The following IFT140 variants were observed in gnomAD, a reference collection of about 807,000 sequenced individuals.
The protein encoded by IFT140 is intraflagellar transport protein 140 homolog.
In IFT140, 133 loss-of-function variants were observed where a neutral mutation model predicts 164.6. That is an observed-to-expected ratio of 0.81 (90% confidence interval 0.70 to 0.93). The LOEUF (loss-of-function observed/expected upper bound fraction) is 0.93, where lower values mean the gene tolerates loss of function less well. IFT140 is among the 40% of genes least tolerant of loss of function. IFT140 has a pLI of 0.00. For synonymous variants in IFT140, 860 were observed against 817.3 expected (o/e 1.05, Z -0.89); for missense variants, 2,045 against 1,972.3 (o/e 1.04, Z -0.70).
chr16:1,560,805 G>A (rs78604558), intron 18 of IFT140, among the ~76,000 whole-genome samples: 51 of 152,330 alleles, frequency 3.3e-4, no homozygotes, highest in African/African-American at 1.1e-3. Context: ...CACTGCATGT[G>A]GAAATTCAAA....
At chr16:1,546,540 G>C (rs2032187389) in intron 19 of IFT140, among the ~76,000 whole-genome samples, 1 of 152,200 alleles carries the variant, frequency 6.6e-6, no homozygotes, top group Admixed American at 6.5e-5. Flanking sequence ...GCGTCTCTCT[G>C]AAGCCCTGCT....
At chr16:1,528,482 C>T (rs1486654929) in intron 19 of IFT140, among the ~76,000 whole-genome samples, 1 of 151,616 alleles carries the variant, frequency 6.6e-6, no homozygotes, top group African/African-American at 2.4e-5. Context: ...CACACACAAG[C>T]ACATGCACTC....
intron 19 of IFT140, chr16:1,528,571 A>G (rs1033002869): frequency 6.4e-6 from 1 of 155,064 alleles, no homozygotes; most frequent in Admixed American, 6.5e-5. Flanking sequence ...ACACACATGC[A>G]CGCACGTACT....
chr16:1,511,240 G>T, intron 30 of IFT140, 90 bp from the exon 31 acceptor site: 1 of 1,299,472 alleles, frequency 7.7e-7, no homozygotes, highest in Non-Finnish European at 1.1e-6. Flanking sequence ...GCTGCCCCTG[G>T]AGGCGGGTGG....
intron 30 of IFT140, among the ~76,000 whole-genome samples, chr16:1,513,823 A>T (rs370018354): frequency 1.6e-4 from 24 of 148,836 alleles, no homozygotes; most frequent in Non-Finnish European, 2.5e-4. Context: ...ACAGGCGCCC[A>T]CCACCACACC....
intron 19 of IFT140, among the ~76,000 whole-genome samples, chr16:1,539,403 C>T (rs935043403): frequency 6.6e-6 from 1 of 152,280 alleles, no homozygotes; most frequent in African/African-American, 2.4e-5. Flanking sequence ...TCAAGCACAT[C>T]TCTGCTGTCC....
chr16:1,520,767 G>A lies in IFT140; in HGVS notation c.3495C>T (p.Ser1165=). 6.2e-7 allele frequency: 1 copy of A among 1,607,922 alleles called. No homozygotes were observed. The highest frequency in any genetic ancestry group is 8.5e-7 in the Non-Finnish European group (1 of 1,179,994). ...TCTTTTCCGCCATCTCCTCGGTGAT[G>A]CTCATGTTCTGCCCCAGGCACAGCT... The part of the protein sequence containing the change: ...ALQLCLGQNM[S]ITEEMAEKMT... Residue 1165 remains serine, a synonymous_variant, in exon 27 of 31, where the codon AGC becomes AGT. Coordinates refer to ENST00000426508, the MANE Select transcript of IFT140 (RefSeq NM_014714.4).
intron 30 of IFT140, among the ~76,000 whole-genome samples, chr16:1,515,624 T>C (rs963049648): frequency 5.9e-5 from 9 of 152,270 alleles, no homozygotes; most frequent in Middle Eastern, 3.4e-3. Flanking sequence ...CTTGAACTCC[T>C]GGCCTCAAGA....
intron 6 of IFT140, 129 bp downstream of exon 6, chr16:1,592,047 A>C: frequency 2.9e-6 from 3 of 1,025,224 alleles, no homozygotes; most frequent in Non-Finnish European, 4.3e-6. Flanking sequence ...GGCACACGTC[A>C]TCTTTCTGTG....
rs1462733925 is a variant in IFT140, at chr16:1,553,753, G to A, written c.2399+4182C>T. The A allele has an allele frequency of 8.6e-7, 1 of 1,156,786 alleles. No individual in the cohort carries two copies. Among genetic ancestry groups the A allele is most frequent in the Non-Finnish European group, 1.1e-6 (1 of 924,144 alleles). 71.7% of individuals were successfully genotyped at this position (1,156,786 alleles called of 1,614,324 possible). A position where few individuals can be genotyped will look rare whatever the true frequency, so the allele number is the denominator to read the frequency against. On this transcript the variant is annotated intron_variant, in intron 19 of 30. Coordinates refer to ENST00000426508, the MANE Select transcript of IFT140 (RefSeq NM_014714.4). The surrounding 1 kb of genome is among the most constrained non-coding windows in gnomAD (Gnocchi z 4.4). ...CATCCCCATGGCTGTAGGGGATGAG[G>A]AGGGGCAGGGCCATGTGGACAGCCT... is the stretch of plus-strand genomic sequence containing the variant.
chr16:1,571,579 T>C (rs771654224), intron 13 of IFT140, 45 bp from the exon 14 acceptor site: 4 of 1,580,736 alleles, frequency 2.5e-6, no homozygotes, highest in South Asian at 1.1e-5. Flanking sequence ...TGTTAGTTAC[T>C]GAACATTGTT....
Position 1,518,252 on chromosome 16 carries a change from C to T in IFT140, c.4146G>A (p.Leu1382=), listed in dbSNP as rs904518816. 4 of 1,614,082 alleles carry T rather than the reference C, an allele frequency of 2.5e-6. No homozygotes were observed. The highest frequency in any genetic ancestry group is 3.4e-6 in the Non-Finnish European group (4 of 1,180,008). Residue 1382 remains leucine, a synonymous_variant, in exon 30 of 31, where the codon CTG becomes CTA. Coordinates refer to ENST00000426508, the MANE Select transcript of IFT140 (RefSeq NM_014714.4). ...TIRIGDVYGF[L]VEHYVRKEEY... Reference sequence around the variant, plus strand: ...CCTCCTTCCGCACGTAGTGCTCCACCAGGAAGCCATAGACGTCCCCGATGC... The same window carrying T: ...CCTCCTTCCGCACGTAGTGCTCCACTAGGAAGCCATAGACGTCCCCGATGC...
chr16:1,523,456 G>C, intron 26 of IFT140, 62 bp downstream of exon 26: 1 of 1,540,166 alleles, frequency 6.5e-7, no homozygotes, highest in Non-Finnish European at 8.8e-7. Context: ...AGCCTCTGGG[G>C]ACAGGAGACC....
intron 18 of IFT140, 48 bp from the exon 19 acceptor site, chr16:1,558,182 A>G: frequency 6.3e-7 from 1 of 1,588,510 alleles, no homozygotes; most frequent in Non-Finnish European, 8.6e-7. Flanking sequence ...TGTAAAGCTG[A>G]AGCCCTCACC....
intron 29 of IFT140, among the ~76,000 whole-genome samples, chr16:1,519,656 G>C (rs904565686): frequency 6.6e-6 from 1 of 152,148 alleles, no homozygotes; most frequent in Non-Finnish European, 1.5e-5. Flanking sequence ...CCCCCACCAG[G>C]TTTCTCTCTC....
chr16:1,550,092 C>T (rs1224024606), intron 19 of IFT140, among the ~76,000 whole-genome samples: 1 of 152,140 alleles, frequency 6.6e-6, no homozygotes, highest in Non-Finnish European at 1.5e-5. Context: ...TGTGCACCAC[C>T]ACGCCCAGCT....
intron 4 of IFT140, among the ~76,000 whole-genome samples, chr16:1,601,560 G>T (rs138086716): frequency 6.6e-6 from 1 of 152,348 alleles, no homozygotes; most frequent in Non-Finnish European, 1.5e-5. Flanking sequence ...CGTAGCTGGA[G>T]GGAAAGCAGA....
At chr16:1,543,761 C>A (rs945842613) in intron 19 of IFT140, among the ~76,000 whole-genome samples, 1 of 152,194 alleles carries the variant, frequency 6.6e-6, no homozygotes, top group South Asian at 2.1e-4. Context: ...TAGGAAAGCT[C>A]CCACGGGGCC....
At chr16:1,536,213 C>T (rs911455557) in intron 19 of IFT140, among the ~76,000 whole-genome samples, 4 of 152,260 alleles carry the variant, frequency 2.6e-5, no homozygotes, top group African/African-American at 9.6e-5. Context: ...CAGCTGGAAG[C>T]CTTGGCGCCC....
Sources: allele counts gnomAD v4.1 joint callset (sites outside exome capture counted in the v4.1 genomes callset), GRCh38; gene constraint gnomAD v4.1.1; non-coding constraint Gnocchi (gnomAD v3.1); transcripts MANE v1.5; gene names NCBI Gene and HGNC (gene_info 2026-07-23, HGNC 2026-07-21).